CDH13: variants seen among roughly 807,000 people sequenced by gnomAD.
CDH13 encodes cadherin 13.
A neutral mutation model predicts 63.8 loss-of-function variants in CDH13; 24 were observed. The observed-to-expected ratio is 0.38, with a 90% CI of 0.27 to 0.53. The LOEUF is 0.53. Among genes scored for constraint, CDH13 ranks in the 20% least tolerant of loss-of-function variants. The pLI, the probability that CDH13 is intolerant of heterozygous loss-of-function variation, is 0.85. For synonymous variants in CDH13, 503 were observed against 355.3 expected, an observed-to-expected ratio of 1.42 and a Z score of -4.67; for missense variants, 1,049 against 903.1, an observed-to-expected ratio of 1.16 and a Z score of -2.07.
chr16:82,727,242 G>A (rs1404948376), intron 1 of CDH13, among the ~76,000 whole-genome samples: 1 of 152,084 alleles, frequency 6.6e-6, no homozygotes, highest in Non-Finnish European at 1.5e-5. Flanking sequence ...TGTTTGCACT[G>A]GGGGCATCCC....
chr16:83,361,214 G>T (rs1488763851), intron 6 of CDH13, among the ~76,000 whole-genome samples: 1 of 152,034 alleles, frequency 6.6e-6, no homozygotes, highest in African/African-American at 2.4e-5. Flanking sequence ...TATGTTTTTT[G>T]GATACTTGTT....
chr16:83,455,811 C>G (rs2073010102), intron 6 of CDH13, among the ~76,000 whole-genome samples: 2 of 152,214 alleles, frequency 1.3e-5, no homozygotes, highest in African/African-American at 4.8e-5. Context: ...AGTGGCGCAG[C>G]TTTCCCTGTG....
At chr16:82,663,549 C>T (rs72832169) in intron 1 of CDH13, among the ~76,000 whole-genome samples, 1 of 152,152 alleles carries the variant, frequency 6.6e-6, no homozygotes, top group Non-Finnish European at 1.5e-5. Flanking sequence ...ATTCACTGAC[C>T]CTAGCCAGAT....
intron 7 of CDH13, among the ~76,000 whole-genome samples, chr16:83,517,013 T>C (rs527478075): frequency 7.9e-5 from 12 of 152,238 alleles, no homozygotes; most frequent in African/African-American, 2.4e-4. Flanking sequence ...AGTTAAAAAC[T>C]GAAAAAAGTC....
intron 3 of CDH13, among the ~76,000 whole-genome samples, chr16:83,051,402 A>G (rs935234077): frequency 2.6e-5 from 4 of 152,230 alleles, no homozygotes; most frequent in Non-Finnish European, 5.9e-5. Context: ...TAAAACCAAT[A>G]ACTCTTGATT....
chr16:83,011,272 CAG>C (rs1914125572), intron 2 of CDH13, among the ~76,000 whole-genome samples: 1 of 152,132 alleles, frequency 6.6e-6, no homozygotes, highest in African/African-American at 2.4e-5. Flanking sequence ...TAATATCACA[CAG>C]AGTTGTAAAA....
intron 2 of CDH13, among the ~76,000 whole-genome samples, chr16:82,966,848 T>C (rs1166195291): frequency 1.3e-5 from 2 of 152,314 alleles, no homozygotes; most frequent in South Asian, 2.1e-4. Flanking sequence ...TTCTCTCTCA[T>C]AGAATCACAG....
At chr16:82,780,359 G>A (rs753696682) in intron 1 of CDH13, among the ~76,000 whole-genome samples, 13 of 152,194 alleles carry the variant, frequency 8.5e-5, no homozygotes, top group Middle Eastern at 3.4e-3. Flanking sequence ...TAAAAGGTGC[G>A]GCAAACAGGG....
chr16:82,892,399 C>G (rs568928765), intron 2 of CDH13, among the ~76,000 whole-genome samples: 10 of 152,282 alleles, frequency 6.6e-5, no homozygotes, highest in Non-Finnish European at 1.0e-4. Flanking sequence ...TTTCAAAAGT[C>G]AAATCCACTT....
At chr16:83,423,493 TA>T (rs35646257) in intron 6 of CDH13, among the ~76,000 whole-genome samples, 123 of 146,242 alleles carry the variant, frequency 8.4e-4, no homozygotes, top group Middle Eastern at 3.5e-3. Flanking sequence ...TGACAGCATT[TA>T]AAAAAAAAAA....
chr16:82,690,591 C>G (rs137856290), intron 1 of CDH13, among the ~76,000 whole-genome samples: 2 of 152,028 alleles, frequency 1.3e-5, no homozygotes, highest in African/African-American at 2.4e-5. Flanking sequence ...TGAGAATGAG[C>G]AAAGAGACAC....
At position 83,216,429 on chromosome 16, in the gene CDH13, T is replaced by TATATATATATATATATATATATATAA. The variant is rs1282063080; in HGVS notation, c.484-901_484-900insTATATATATAAATATATATATATATA. Among the ~76,000 whole-genome samples the TATATATATATATATATATATATATAA allele has an allele frequency of 2.2e-4, 23 of 105,694 alleles. 2 individuals carry two copies. The highest frequency in any genetic ancestry group is 3.7e-4 in the Non-Finnish European group (18 of 49,256). 69.3% of individuals were successfully genotyped at this position (105,694 alleles called of 152,430 possible). A position where few individuals can be genotyped will look rare whatever the true frequency, so the allele number is the denominator to read the frequency against. On this transcript the variant is annotated intron_variant, in intron 4 of 13. Coordinates refer to ENST00000567109, the MANE Select transcript of CDH13 (RefSeq NM_001257.5). Reference sequence around the variant, plus strand: ...ATATATATATATATATATATATATATATATATATATATATACACAACCCTA... The same window carrying TATATATATATATATATATATATATAA: ...ATATATATATATATATATATATATATATATATATATATATATATATATATAAATATATATATATATACACAACCCTA...
intron 2 of CDH13, among the ~76,000 whole-genome samples, chr16:82,908,033 G>T (rs1019913019): frequency 2.0e-5 from 3 of 152,076 alleles, no homozygotes; most frequent in Admixed American, 1.3e-4. Context: ...ACAACAATAG[G>T]TTATTCTGGG....
chr16:82,993,060 A>T (rs567638028), intron 2 of CDH13, among the ~76,000 whole-genome samples: 1 of 152,248 alleles, frequency 6.6e-6, no homozygotes, highest in Non-Finnish European at 1.5e-5. Context: ...TTGTTTCCTC[A>T]AGACTTACCA....
chr16:83,185,144 G>A (rs929557628), intron 4 of CDH13, among the ~76,000 whole-genome samples: 2 of 152,032 alleles, frequency 1.3e-5, no homozygotes, highest in Non-Finnish European at 2.9e-5. Context: ...CCTACAGCTG[G>A]TCGTGGCAGC....
intron 4 of CDH13, among the ~76,000 whole-genome samples, chr16:83,148,426 G>A (rs2036842368): frequency 6.6e-6 from 1 of 152,226 alleles, no homozygotes; most frequent in South Asian, 2.1e-4. Context: ...GGCAGTAGGA[G>A]AAGTGGATAA....
At chr16:82,669,000 G>C (rs546319619) in intron 1 of CDH13, among the ~76,000 whole-genome samples, 125 of 152,314 alleles carry the variant, frequency 8.2e-4, no homozygotes, top group African/African-American at 2.9e-3. Flanking sequence ...CAGTCCTGCT[G>C]ATTTTCATAT....
In CDH13 at chr16:83,678,739, A is replaced by G. The variant is rs746552558; in HGVS notation, c.1538+278A>G. On this transcript the variant is annotated intron_variant, in intron 10 of 13. Coordinates refer to ENST00000567109, the MANE Select transcript of CDH13 (RefSeq NM_001257.5). ...TGACCAGCCGGGTCTGCTGGCCCTG[A>G]GCACAGTCCTTGAACGGAGAGAGAA... 7.9e-5 allele frequency among the ~76,000 whole-genome samples: 12 copies of G among 152,242 alleles called. No homozygotes were observed. The South Asian group carries it at 1.0e-3, about 13-fold the overall frequency.
At chr16:82,663,470 C>A (rs1912213859) in intron 1 of CDH13, among the ~76,000 whole-genome samples, 1 of 152,112 alleles carries the variant, frequency 6.6e-6, no homozygotes, top group Non-Finnish European at 1.5e-5. Flanking sequence ...CAGGCATGAG[C>A]CACCATGCCC....
Sources: allele counts gnomAD v4.1 joint callset (sites outside exome capture counted in the v4.1 genomes callset), GRCh38; gene constraint gnomAD v4.1.1; transcripts MANE v1.5; gene names NCBI Gene and HGNC (gene_info 2026-07-23, HGNC 2026-07-21).